Variants in CLVS1 observed in about 807,000 individuals in gnomAD.
CLVS1 encodes the protein clavesin 1.
CLVS1 carries 10 observed loss-of-function variants against 33.1 expected under a neutral mutation model. The ratio of observed to expected loss-of-function variants is 0.30; its 90% CI spans 0.19 to 0.51. The LOEUF is 0.51. Ranked by LOEUF, CLVS1 falls within the 20% of genes least tolerant of loss-of-function variation. CLVS1 has a pLI of 0.97. For synonymous variants in CLVS1, 163 were observed against 166.1 expected (o/e 0.98, Z 0.14); for missense variants, 343 against 433.4 (o/e 0.79, Z 1.85).
chr8:61,226,095 T>G (rs1808322636), intron 2 of CLVS1, among the ~76,000 whole-genome samples: 2 of 152,242 alleles, frequency 1.3e-5, no homozygotes, highest in Non-Finnish European at 2.9e-5. Flanking sequence ...ATTTCCAGTT[T>G]GAGATGCATG....
chr8:61,059,471 C>CATATATATATATAT lies in CLVS1; in HGVS notation c.-243+2244_-243+2245insTATATATATATATA, dbSNP rs1292747857. ...ATATACACACACATATACATACATA[C>CATATATATATATAT]ATACATATATATATATATATATATA... On this transcript the variant is annotated intron_variant, in intron 1 of 2. Coordinates refer to the CLVS1 transcript ENST00000522621. Among the ~76,000 whole-genome samples, 173 of 22,908 alleles carry CATATATATATATAT rather than the reference C, an allele frequency of 7.6e-3. 2 individuals are homozygous for CATATATATATATAT. Among genetic ancestry groups the CATATATATATATAT allele is most frequent in the South Asian group, 0.021 (11 of 536 alleles). The allele number at this position is 22,908 out of a possible 152,430, so 15.0% of individuals were successfully genotyped here.
At chr8:61,232,504 T>C (rs1241368669) in intron 2 of CLVS1, among the ~76,000 whole-genome samples, 1 of 152,174 alleles carries the variant, frequency 6.6e-6, no homozygotes, top group Non-Finnish European at 1.5e-5. Flanking sequence ...TAAAATCTTA[T>C]GTAACTCCCC....
chr8:61,109,431 T>C (rs1805590483), intron 1 of CLVS1, among the ~76,000 whole-genome samples: 3 of 152,240 alleles, frequency 2.0e-5, no homozygotes, highest in Admixed American at 2.0e-4. Context: ...TTAGCTATAA[T>C]ACAATACATA....
chr8:61,385,590 A>G lies in CLVS1; in HGVS notation c.630+8811A>G, dbSNP rs191794237. Among the ~76,000 whole-genome samples, 12 of 152,370 alleles carry G rather than the reference A, an allele frequency of 7.9e-5. No homozygotes were observed. In the East Asian group the frequency reaches 2.3e-3, roughly 29 times the overall value. On this transcript the variant is annotated intron_variant, in intron 3 of 5. Coordinates refer to ENST00000325897, the MANE Select transcript of CLVS1 (RefSeq NM_173519.3). Reference sequence around the variant, plus strand: ...GAGAGGAGGGCATTTACATAACAGGACAATTCTCTGTATCTTCCAGGCTGA... The same window carrying G: ...GAGAGGAGGGCATTTACATAACAGGGCAATTCTCTGTATCTTCCAGGCTGA...
At chr8:61,184,097 C>T (rs556273607) in intron 2 of CLVS1, among the ~76,000 whole-genome samples, 4 of 152,264 alleles carry the variant, frequency 2.6e-5, no homozygotes, top group Admixed American at 2.0e-4. Flanking sequence ...ATGCCAGAAC[C>T]TACTTGACCC....
In CLVS1 at chr8:61,190,890, C is replaced by A. The variant is rs907632157; in HGVS notation, c.-152+59030C>A. On this transcript the variant is annotated intron_variant, in intron 2 of 2. Transcript: ENST00000522621. ...AATTGAGGCAATAATTAATAGCTTA[C>A]CAATCAAAAAAAGTCTAGGACCAGA... 2.0e-5 allele frequency among the ~76,000 whole-genome samples: 3 copies of A among 152,048 alleles called. No individual in the cohort carries two copies. The South Asian group carries it at 6.2e-4, about 32-fold the overall frequency.
chr8:61,162,991 G>A (rs1429633016), intron 2 of CLVS1, among the ~76,000 whole-genome samples: 1 of 152,160 alleles, frequency 6.6e-6, no homozygotes, highest in Non-Finnish European at 1.5e-5. Flanking sequence ...CAAACTCACA[G>A]GGGCATTTGT....
At chr8:61,193,356 A>C (rs1285720636) in intron 2 of CLVS1, among the ~76,000 whole-genome samples, 3 of 151,856 alleles carry the variant, frequency 2.0e-5, no homozygotes, top group Non-Finnish European at 4.4e-5. Context: ...AACATCACAC[A>C]CCTGGGCCTG....
At chr8:61,210,006 G>C (rs1807939005) in intron 2 of CLVS1, among the ~76,000 whole-genome samples, 1 of 152,210 alleles carries the variant, frequency 6.6e-6, no homozygotes, top group Admixed American at 6.5e-5. Context: ...TTCATCAAAA[G>C]AAAGATTATC....
chr8:61,173,070 C>G (rs1358374288), intron 2 of CLVS1, among the ~76,000 whole-genome samples: 2 of 152,156 alleles, frequency 1.3e-5, no homozygotes, highest in African/African-American at 2.4e-5. Context: ...CCTCATGTGT[C>G]AAGTGCGCAT....
At chr8:61,003,156 T>A in the CLVS1 span, among the ~76,000 whole-genome samples, 1 of 152,194 alleles carries the variant, frequency 6.6e-6, no homozygotes. Context: ...TCTGGTTGGG[T>A]CCTGCTCCAA....
At chr8:61,262,411 C>T (rs1281546297) in intron 2 of CLVS1, among the ~76,000 whole-genome samples, 1 of 152,006 alleles carries the variant, frequency 6.6e-6, no homozygotes, top group Non-Finnish European at 1.5e-5. Flanking sequence ...GGCACAGTGT[C>T]TATAATCTCA....
intron 3 of CLVS1, among the ~76,000 whole-genome samples, chr8:61,384,062 G>A (rs1168573662): frequency 6.6e-6 from 1 of 152,238 alleles, no homozygotes; most frequent in Admixed American, 6.5e-5. Context: ...GGCAAGGCCA[G>A]GCCTCAGCTG....
chr8:61,092,374 C>T (rs1465520842), intron 1 of CLVS1, among the ~76,000 whole-genome samples: 1 of 152,212 alleles, frequency 6.6e-6, no homozygotes, highest in African/African-American at 2.4e-5. Flanking sequence ...ACACTCAGTG[C>T]TTGAAGCCTC....
intron 2 of CLVS1, among the ~76,000 whole-genome samples, chr8:61,234,573 G>A (rs186976664): frequency 4.6e-5 from 7 of 152,156 alleles, no homozygotes; most frequent in Admixed American, 3.9e-4. Context: ...ACGCTATCCC[G>A]TTGCACCCTC....
rs567534172 is a variant in CLVS1, at chr8:61,250,989, T to C, written c.-151-48688T>C. On this transcript the variant is annotated intron_variant, in intron 2 of 2. Coordinates refer to the CLVS1 transcript ENST00000522621. ...GGTGAGAGAGGGCATCCTTGTCTTG[T>C]GCCAGTTTTCAAAGGGAATGCTTCC... Among the ~76,000 whole-genome samples the C allele has an allele frequency of 8.5e-5, 13 of 152,350 alleles. No homozygotes were observed. In the East Asian group the frequency reaches 2.5e-3, roughly 29 times the overall value.
chr8:61,382,902 G>A (rs1706549455), intron 3 of CLVS1, among the ~76,000 whole-genome samples: 1 of 152,168 alleles, frequency 6.6e-6, no homozygotes, highest in Non-Finnish European at 1.5e-5. Flanking sequence ...TTTGTGAAAT[G>A]TGGTGTCAGT....
intron 1 of CLVS1, among the ~76,000 whole-genome samples, chr8:61,089,765 A>G (rs76423492): frequency 0.026 from 3,926 of 151,952 alleles, 66 homozygotes; most frequent in Non-Finnish European, 0.041. Context: ...ACAAAAAAAT[A>G]AAAAAGACTA....
intron 3 of CLVS1, among the ~76,000 whole-genome samples, chr8:61,411,014 C>T (rs1815201950): frequency 6.6e-6 from 1 of 152,186 alleles, no homozygotes; most frequent in Non-Finnish European, 1.5e-5. Flanking sequence ...TGCTCTCCTC[C>T]TATTTGTCAG....
Sources: gnomAD v4.1 joint callset for allele counts (sites outside exome capture counted in the v4.1 genomes callset) on GRCh38, gnomAD v4.1.1 for gene constraint, MANE v1.5 for transcripts, NCBI Gene and HGNC (gene_info 2026-07-23, HGNC 2026-07-21) for gene names.